The following SATB2 variants were observed in gnomAD, a reference collection of about 807,000 sequenced individuals.
SATB2 encodes DNA-binding protein SATB2.
In SATB2, 1 loss-of-function variant was observed where a neutral mutation model predicts 73.4. That is an observed-to-expected ratio of 0.01 (90% CI 0.00 to 0.06). The LOEUF is 0.06. SATB2 is among the 10% of genes least tolerant of loss of function. The pLI, the probability that SATB2 is intolerant of heterozygous loss-of-function variation, is 1.00. For synonymous variants in SATB2, 397 were observed against 367.0 expected (o/e 1.08, Z -0.93); for missense variants, 459 against 945.8 (o/e 0.49, Z 6.75).
At position 199,377,108 on chromosome 2, in the gene SATB2, G is replaced by A. The variant is rs79027521; in HGVS notation, c.597+3256C>T. 9.8e-4 allele frequency among the ~76,000 whole-genome samples: 149 copies of A among 152,248 alleles called. No individual in the cohort carries two copies. In the East Asian group the frequency reaches 0.019, roughly 20 times the overall value. ...TTAAAACACAGGGGCCAGGAGCAGT[G>A]GCTCACGCCTATAATCCCAGCACTT... On this transcript the variant is annotated intron_variant, in intron 5 of 10. Coordinates refer to ENST00000417098, the MANE Select transcript of SATB2 (RefSeq NM_001172509.2).
chr2:199,315,175 T>C (rs1038544871), intron 9 of SATB2, among the ~76,000 whole-genome samples: 12 of 152,104 alleles, frequency 7.9e-5, no homozygotes, highest in African/African-American at 2.9e-4. Flanking sequence ...TCTCTCTCTG[T>C]GTGTATATAT....
intron 2 of SATB2, among the ~76,000 whole-genome samples, chr2:199,454,532 GT>G (rs1341897302): frequency 3.9e-5 from 6 of 152,048 alleles, no homozygotes; most frequent in African/African-American, 1.2e-4. Context: ...TCACAGAACT[GT>G]TTTCTTTTGC....
At chr2:199,323,570 T>C (rs1340788991) in intron 9 of SATB2, among the ~76,000 whole-genome samples, 1 of 151,600 alleles carries the variant, frequency 6.6e-6, no homozygotes, top group Non-Finnish European at 1.5e-5. Context: ...AGAGAAATCA[T>C]TCGAGGCTAA....
chr2:199,324,332 G>GA (rs1323950650), intron 8 of SATB2, among the ~76,000 whole-genome samples: 2 of 151,714 alleles, frequency 1.3e-5, no homozygotes, highest in South Asian at 2.1e-4. Flanking sequence ...AATTCTTCCA[G>GA]AAAAAAAATA....
At chr2:199,441,545 T>A (rs1691816145) in intron 2 of SATB2, among the ~76,000 whole-genome samples, 1 of 152,170 alleles carries the variant, frequency 6.6e-6, no homozygotes, top group Admixed American at 6.5e-5. Flanking sequence ...TTCTCTCTAG[T>A]AAAACCAGAT....
In SATB2 at chr2:199,328,782, C is replaced by T. The variant is rs776256616; in HGVS notation, c.1302G>A (p.Gln434=). 1.9e-6 allele frequency: 3 copies of T among 1,613,936 alleles called. No individual in the cohort carries two copies. Among genetic ancestry groups the T allele is most frequent in the Non-Finnish European group, 2.5e-6 (3 of 1,179,984 alleles). ...GATTCATGCTCCGCTCCCTCTCATC[C>T]TGGTAGATGCGATCTCGCTCCACTT... The part of the protein sequence containing the change: ...LPEVERDRIY[Q]DERERSMNPN... The change falls in exon 8 of 11, where the codon CAG becomes CAA. Residue 434 remains glutamine, a synonymous_variant. Coordinates refer to ENST00000417098, the MANE Select transcript of SATB2 (RefSeq NM_001172509.2).
chr2:199,420,680 C>A (rs1244547970), intron 3 of SATB2, among the ~76,000 whole-genome samples: 1 of 152,080 alleles, frequency 6.6e-6, no homozygotes, highest in Non-Finnish European at 1.5e-5. Flanking sequence ...CAGGAAATTC[C>A]TCCTTAATAA....
chr2:199,378,968 G>A (rs956460065), intron 5 of SATB2, among the ~76,000 whole-genome samples: 19 of 152,060 alleles, frequency 1.2e-4, no homozygotes, highest in African/African-American at 4.3e-4. Context: ...CCCTTACCCT[G>A]GAACAAAGCT....
intron 2 of SATB2, among the ~76,000 whole-genome samples, chr2:199,441,581 TC>T (rs1378537103): frequency 6.6e-6 from 1 of 152,192 alleles, no homozygotes; most frequent in Non-Finnish European, 1.5e-5. Context: ...CTGAGGCCAA[TC>T]TTAACTTTGG....
At chr2:199,363,120 C>T (rs188608689) in intron 6 of SATB2, among the ~76,000 whole-genome samples, 3 of 152,276 alleles carry the variant, frequency 2.0e-5, no homozygotes, top group Admixed American at 1.3e-4. Context: ...TAGTCCATGT[C>T]TAAGCTGAGT....
intron 6 of SATB2, among the ~76,000 whole-genome samples, chr2:199,353,148 C>CTTTTTTTTTTTTT (rs11369554): frequency 9.1e-5 from 8 of 88,028 alleles, no homozygotes; most frequent in East Asian, 3.8e-4. Flanking sequence ...ACGTTTTTGT[C>CTTTTTTTTTTTTT]TTTTTTTTTT....
intron 2 of SATB2, among the ~76,000 whole-genome samples, chr2:199,452,947 A>C (rs558282034): frequency 2.0e-5 from 3 of 152,260 alleles, no homozygotes; most frequent in Admixed American, 2.0e-4. Context: ...AAAGCTAACC[A>C]CATAGTAAAC....
intron 3 of SATB2, among the ~76,000 whole-genome samples, chr2:199,401,434 T>C (rs1028168133): frequency 2.0e-5 from 3 of 151,198 alleles, no homozygotes; most frequent in African/African-American, 7.3e-5. Context: ...GTGCCTGTAC[T>C]CCCAGCTACT....
At chr2:199,362,941 C>T (rs1689180651) in intron 6 of SATB2, among the ~76,000 whole-genome samples, 1 of 152,112 alleles carries the variant, frequency 6.6e-6, no homozygotes, top group South Asian at 2.1e-4. Context: ...AAAATAACAT[C>T]AGAAATAGTA....
chr2:199,360,483 AGCCCAGCCTCACACTTCATGGCATGAGCT>A (rs1689103459), intron 6 of SATB2, among the ~76,000 whole-genome samples: 2 of 152,094 alleles, frequency 1.3e-5, no homozygotes, highest in African/African-American at 4.8e-5. Context: ...AGGTCATGCC[AGCCCAGCCTCACACTTCATGGCATGAGCT>A]GCCCATCCTC....
intron 10 of SATB2, among the ~76,000 whole-genome samples, chr2:199,290,735 T>G (rs542802147): frequency 1.3e-5 from 2 of 152,302 alleles, no homozygotes; most frequent in African/African-American, 4.8e-5. Context: ...ATATTCCTAT[T>G]CTCAGGGATA....
At chr2:199,297,107 T>C (rs1287982683) in intron 10 of SATB2, among the ~76,000 whole-genome samples, 1 of 152,370 alleles carries the variant, frequency 6.6e-6, no homozygotes. Flanking sequence ...GTTTCTATTA[T>C]ATAAGAAAGA....
chr2:199,377,989 C>A (rs1486657909), intron 5 of SATB2, among the ~76,000 whole-genome samples: 1 of 152,064 alleles, frequency 6.6e-6, no homozygotes, highest in Non-Finnish European at 1.5e-5. Context: ...CTCATTTGAA[C>A]GTCAAGACAA....
intron 7 of SATB2, among the ~76,000 whole-genome samples, chr2:199,343,077 G>T (rs556290101): frequency 1.3e-5 from 2 of 151,240 alleles, no homozygotes; most frequent in African/African-American, 4.8e-5. Flanking sequence ...ACAGTTCCAG[G>T]TTTATTTGTA....
Sources: allele counts gnomAD v4.1 joint callset (sites outside exome capture counted in the v4.1 genomes callset), GRCh38; gene constraint gnomAD v4.1.1; transcripts MANE v1.5; gene names NCBI Gene and HGNC (gene_info 2026-07-23, HGNC 2026-07-21).